The following PTGER3 variants were observed in gnomAD, a reference collection of about 807,000 sequenced individuals.
PTGER3 encodes prostaglandin E receptor 3.
PTGER3 carries 22 observed loss-of-function variants against 34.7 expected under a neutral mutation model. The observed-to-expected ratio is 0.63, with a 90% CI of 0.45 to 0.91. The LOEUF is 0.91. PTGER3 is among the 40% of genes least tolerant of loss of function. PTGER3 has a pLI of 0.00. For synonymous variants in PTGER3, 241 were observed against 230.1 expected (o/e 1.05, Z -0.43); for missense variants, 468 against 519.4 (o/e 0.90, Z 0.96).
At chr1:70,900,085 TCTTC>T (rs1359053086) in intron 4 of PTGER3, among the ~76,000 whole-genome samples, 2 of 152,202 alleles carry the variant, frequency 1.3e-5, no homozygotes, top group Non-Finnish European at 2.9e-5. Flanking sequence ...CTACCAATTT[TCTTC>T]CTTATTTTCT....
chr1:70,920,639 G>A (rs1358972465), intron 4 of PTGER3, among the ~76,000 whole-genome samples: 2 of 152,180 alleles, frequency 1.3e-5, no homozygotes, highest in Non-Finnish European at 2.9e-5. Flanking sequence ...CTACAAAGCT[G>A]GAGATTGAGA....
Position 71,009,539 on chromosome 1 carries a change from A to G in PTGER3, c.1077+2766T>C, listed in dbSNP as rs1223078465. The G allele has an allele frequency of 5.1e-6, 5 of 984,776 alleles. No individual in the cohort carries two copies. In the African/African-American group the frequency reaches 8.7e-5, roughly 17 times the overall value. 61.0% of individuals were successfully genotyped at this position (984,776 alleles called of 1,614,324 possible). ...GAAAAGTAAACTGCTCTCATTAAGTAACATGTGATCATTCTTCTCTGTGAC... is the reference window on the plus strand; with the variant it reads ...GAAAAGTAAACTGCTCTCATTAAGTGACATGTGATCATTCTTCTCTGTGAC... On this transcript the variant is annotated intron_variant, in intron 2 of 3. Transcript: ENST00000306666.
At chr1:71,035,459 G>A (rs1038660722) in intron 1 of PTGER3, among the ~76,000 whole-genome samples, 4 of 152,128 alleles carry the variant, frequency 2.6e-5, no homozygotes, top group African/African-American at 4.8e-5. Flanking sequence ...CTCTCTCACC[G>A]ATTCTAGGCC....
At chr1:71,028,665 G>A (rs941316634) in intron 1 of PTGER3, among the ~76,000 whole-genome samples, 4 of 151,318 alleles carry the variant, frequency 2.6e-5, no homozygotes, top group African/African-American at 9.7e-5. Context: ...CATTTTTTCC[G>A]TCTTTAAACA....
At chr1:71,009,601 A>G in intron 2 of PTGER3, 1 of 985,048 alleles carries the variant, frequency 1.0e-6, no homozygotes, top group Non-Finnish European at 1.2e-6. Flanking sequence ...TGGAAAATCA[A>G]CACTACTTGG....
intron 2 of PTGER3, among the ~76,000 whole-genome samples, chr1:70,956,151 A>C (rs749318296): frequency 6.6e-6 from 1 of 152,188 alleles, no homozygotes; most frequent in Non-Finnish European, 1.5e-5. Flanking sequence ...GGATCATACG[A>C]ATGCAGTTCC....
intron 4 of PTGER3, chr1:70,852,892 A>G (rs1249359818): frequency 4.4e-6 from 7 of 1,604,390 alleles, no homozygotes; most frequent in Admixed American, 1.7e-5. Flanking sequence ...AGGATAGCCA[A>G]TAATAAATGC....
intron 4 of PTGER3, among the ~76,000 whole-genome samples, chr1:70,866,808 AT>A (rs1253655412): frequency 2.6e-5 from 4 of 152,144 alleles, no homozygotes; most frequent in African/African-American, 9.7e-5. Context: ...TGTAACTCCA[AT>A]CTGGACTTCT....
intron 2 of PTGER3, among the ~76,000 whole-genome samples, chr1:71,000,049 C>T (rs1656336068): frequency 6.6e-6 from 1 of 152,168 alleles, no homozygotes; most frequent in South Asian, 2.1e-4. Context: ...CACCACTGCT[C>T]CCCAAAATTA....
chr1:70,944,933 T>C (rs969762540), intron 4 of PTGER3, among the ~76,000 whole-genome samples: 3 of 152,102 alleles, frequency 2.0e-5, no homozygotes, highest in Non-Finnish European at 4.4e-5. Flanking sequence ...TCCCTCTTCA[T>C]TGTAGTATCT....
chr1:70,952,769 C>T (rs5699), exon 4 of PTGER3: 119,735 of 1,318,708 alleles, frequency 0.091, 6,928 homozygotes, highest in African/African-American at 0.26. Context: ...AATGACCTGG[C>T]TTGCTGGTAA....
chr1:70,936,928 T>C (rs1448614633), intron 4 of PTGER3, among the ~76,000 whole-genome samples: 3 of 152,102 alleles, frequency 2.0e-5, no homozygotes, highest in Non-Finnish European at 4.4e-5. Flanking sequence ...AAGAAGGAAA[T>C]TGACAACTGG....
At chr1:71,009,154 A>G (rs1030154711) in intron 2 of PTGER3, 46 of 985,136 alleles carry the variant, frequency 4.7e-5, no homozygotes, top group Non-Finnish European at 5.4e-5. Context: ...TGAAAATCCA[A>G]TATTAGAATA....
chr1:70,893,047 C>A (rs1646653083), intron 4 of PTGER3, among the ~76,000 whole-genome samples: 1 of 151,972 alleles, frequency 6.6e-6, no homozygotes, highest in South Asian at 2.1e-4. Flanking sequence ...CGTTTCCTTA[C>A]TATTGAGTAC....
intron 3 of PTGER3, among the ~76,000 whole-genome samples, chr1:70,973,843 G>T (rs547497942): frequency 6.6e-6 from 1 of 152,088 alleles, no homozygotes; most frequent in African/African-American, 2.4e-5. Context: ...ATTAAGTTCT[G>T]CCTTTTAGAG....
chr1:71,011,622 C>A (rs1420865450), intron 2 of PTGER3: 1 of 984,186 alleles, frequency 1.0e-6, no homozygotes, highest in Admixed American at 6.2e-5. Context: ...AAGAGTAAAC[C>A]TAATTATCAA....
At chr1:70,880,389 T>C (rs565969043) in intron 4 of PTGER3, among the ~76,000 whole-genome samples, 3 of 151,850 alleles carry the variant, frequency 2.0e-5, no homozygotes, top group East Asian at 1.9e-4. Flanking sequence ...TTTCTTTTTT[T>C]TTTTTTTAAG....
intron 4 of PTGER3, chr1:70,869,125 G>T: frequency 2.8e-6 from 1 of 355,142 alleles, no homozygotes; most frequent in Non-Finnish European, 5.6e-6. Context: ...ACTCATAACG[G>T]AAGGCAAAAC....
chr1:70,930,451 T>A (rs1302179743), intron 4 of PTGER3, among the ~76,000 whole-genome samples: 1 of 152,228 alleles, frequency 6.6e-6, no homozygotes, highest in Admixed American at 6.5e-5. Flanking sequence ...ACTGTACTCA[T>A]ACACTCACAT....
Sources: gnomAD v4.1 joint callset for allele counts (sites outside exome capture counted in the v4.1 genomes callset) on GRCh38, gnomAD v4.1.1 for gene constraint, MANE v1.5 for transcripts, NCBI Gene and HGNC (gene_info 2026-07-23, HGNC 2026-07-21) for gene names.